MAF: variants seen among roughly 807,000 people sequenced by gnomAD.
MAF encodes the protein MAF bZIP transcription factor, also known as transcription factor Maf.
Under a neutral mutation model 22.0 loss-of-function variants are expected in MAF, and 10 were observed. That is an observed-to-expected ratio of 0.45 (90% CI 0.28 to 0.77). The LOEUF (loss-of-function observed/expected upper bound fraction) is 0.77, where lower values mean the gene tolerates loss of function less well. Among genes scored for constraint, MAF ranks in the 30% least tolerant of loss-of-function variants. MAF has a pLI of 0.12. For missense variants in MAF, 544 were observed against 548.4 expected, an observed-to-expected ratio of 0.99 and a Z score of 0.08; for synonymous variants, 337 against 255.8, an observed-to-expected ratio of 1.32 and a Z score of -3.03.
chr16:79,430,929 C>T, the MAF span, among the ~76,000 whole-genome samples: 15 of 152,290 alleles, frequency 9.8e-5, no homozygotes, highest in South Asian at 3.1e-3. Context: ...TGGGTTGGGG[C>T]AGTGGGGAAT....
chr16:79,530,783 C>T, the MAF span, among the ~76,000 whole-genome samples: 1 of 152,284 alleles, frequency 6.6e-6, no homozygotes, highest in South Asian at 2.1e-4. Flanking sequence ...CTTTCAAAAT[C>T]AGTCATAGAT....
the MAF span, among the ~76,000 whole-genome samples, chr16:79,421,080 T>G: frequency 1.1e-4 from 17 of 152,010 alleles, no homozygotes; most frequent in African/African-American, 4.1e-4. Flanking sequence ...TTACAATATA[T>G]TAATATAACT....
chr16:79,213,939 T>C, the MAF span, among the ~76,000 whole-genome samples: 9 of 152,282 alleles, frequency 5.9e-5, no homozygotes, highest in East Asian at 1.2e-3. Flanking sequence ...ACCTCTCTAA[T>C]CTCAACTTCC....
the MAF span, among the ~76,000 whole-genome samples, chr16:79,510,769 A>G: frequency 0.01 from 1,524 of 152,232 alleles, 16 homozygotes; most frequent in Non-Finnish European, 0.016. Context: ...GAAGCTCCAC[A>G]TTTTCATTTT....
chr16:79,345,554 C>A, the MAF span, among the ~76,000 whole-genome samples: 6 of 151,526 alleles, frequency 4.0e-5, no homozygotes, highest in African/African-American at 9.7e-5. Flanking sequence ...ATAGTGAAAC[C>A]CTGTCTCTAC....
chr16:79,330,947 C>T, the MAF span, among the ~76,000 whole-genome samples: 36 of 152,154 alleles, frequency 2.4e-4, no homozygotes, highest in Non-Finnish European at 4.9e-4. Flanking sequence ...TTGCAAACCC[C>T]GGACATGAAG....
chr16:79,524,908 G>A, the MAF span, among the ~76,000 whole-genome samples: 15 of 152,132 alleles, frequency 9.9e-5, no homozygotes, highest in Non-Finnish European at 2.1e-4. Context: ...TGGCCAACAC[G>A]CACACAGATA....
chr16:79,322,706 A>G, the MAF span, among the ~76,000 whole-genome samples: 1 of 151,982 alleles, frequency 6.6e-6, no homozygotes, highest in South Asian at 2.1e-4. Flanking sequence ...GGATTCATCT[A>G]GCCGGGGTCA....
the MAF span, among the ~76,000 whole-genome samples, chr16:79,492,625 C>G: frequency 6.6e-6 from 1 of 151,934 alleles, no homozygotes; most frequent in Non-Finnish European, 1.5e-5. Flanking sequence ...TAAATGAATA[C>G]AATGTCCATC....
the MAF span, among the ~76,000 whole-genome samples, chr16:79,479,375 C>G: frequency 1.3e-5 from 2 of 152,200 alleles, no homozygotes; most frequent in African/African-American, 2.4e-5. Context: ...TACCTTTTCC[C>G]GGATATGTGT....
At chr16:79,461,062 G>A in the MAF span, among the ~76,000 whole-genome samples, 1 of 152,100 alleles carries the variant, frequency 6.6e-6, no homozygotes, top group Non-Finnish European at 1.5e-5. Context: ...TGAACTTTTT[G>A]AACTTTTGGT....
At chr16:79,339,706 G>A in the MAF span, among the ~76,000 whole-genome samples, 1 of 152,134 alleles carries the variant, frequency 6.6e-6, no homozygotes, top group Non-Finnish European at 1.5e-5. Flanking sequence ...AAACACCATA[G>A]AAAGGGAGAA....
chr16:79,573,860 G>C, the MAF span, among the ~76,000 whole-genome samples: 1 of 152,186 alleles, frequency 6.6e-6, no homozygotes, highest in African/African-American at 2.4e-5. Flanking sequence ...CTAGAACAAA[G>C]TTAAGAGAAT....
At chr16:79,567,463 G>T in the MAF span, among the ~76,000 whole-genome samples, 1 of 152,108 alleles carries the variant, frequency 6.6e-6, no homozygotes, top group African/African-American at 2.4e-5. Flanking sequence ...GAAGCCACAA[G>T]GCAAGGGATT....
the MAF span, among the ~76,000 whole-genome samples, chr16:79,253,952 A>T: frequency 1.3e-5 from 2 of 151,790 alleles, no homozygotes; most frequent in East Asian, 3.9e-4. Context: ...AATTCTTGCC[A>T]TGCAGTTGTC....
the MAF span, among the ~76,000 whole-genome samples, chr16:79,369,553 A>G: frequency 6.6e-6 from 1 of 152,154 alleles, no homozygotes; most frequent in Non-Finnish European, 1.5e-5. Context: ...TTGTTTGCAA[A>G]TATTTCTTTT....
At chr16:79,519,179 G>C in the MAF span, among the ~76,000 whole-genome samples, 1 of 152,126 alleles carries the variant, frequency 6.6e-6, no homozygotes, top group African/African-American at 2.4e-5. Flanking sequence ...GAGAACCACA[G>C]AGGTTCACTG....
the MAF span, among the ~76,000 whole-genome samples, chr16:79,270,271 T>A: frequency 6.6e-6 from 1 of 152,110 alleles, no homozygotes; most frequent in Admixed American, 6.5e-5. Context: ...GCCTGAGGGC[T>A]GCAGGGGGCT....
chr16:79,288,195 T>G, the MAF span, among the ~76,000 whole-genome samples: 1 of 152,172 alleles, frequency 6.6e-6, no homozygotes, highest in South Asian at 2.1e-4. Flanking sequence ...CACAAGTTCT[T>G]TGATGCTTCT....
Sources: gnomAD v4.1 joint callset for allele counts (sites outside exome capture counted in the v4.1 genomes callset) on GRCh38, gnomAD v4.1.1 for gene constraint, MANE v1.5 for transcripts, NCBI Gene and HGNC (gene_info 2026-07-23, HGNC 2026-07-21) for gene names.